Variants in RFT1 observed in about 807,000 individuals in gnomAD.
The protein encoded by RFT1 is man(5)GlcNAc(2)-PP-dolichol translocation protein RFT1.
In RFT1, 43 loss-of-function variants were observed where a neutral mutation model predicts 62.2. The observed-to-expected ratio is 0.69, with a 90% CI of 0.54 to 0.89. The LOEUF (loss-of-function observed/expected upper bound fraction) is 0.89, where lower values mean the gene tolerates loss of function less well. Among genes scored for constraint, RFT1 ranks in the 40% least tolerant of loss-of-function variants. The probability of loss-of-function intolerance (pLI) is 0.00; values close to 1 mark genes in which losing one functional copy is unlikely to be tolerated. For synonymous variants in RFT1, 262 were observed against 264.6 expected, an observed-to-expected ratio of 0.99 and a Z score of 0.10; for missense variants, 605 against 649.9, an observed-to-expected ratio of 0.93 and a Z score of 0.75.
intron 11 of RFT1, among the ~76,000 whole-genome samples, chr3:53,097,379 C>T (rs569526652): frequency 6.6e-6 from 1 of 152,318 alleles, no homozygotes; most frequent in Non-Finnish European, 1.5e-5. Flanking sequence ...CACTTAATAT[C>T]ACATTTTACT....
At chr3:53,108,946 G>T (rs533798231) in intron 7 of RFT1, among the ~76,000 whole-genome samples, 1 of 152,160 alleles carries the variant, frequency 6.6e-6, no homozygotes, top group African/African-American at 2.4e-5. Flanking sequence ...TGGGATTACA[G>T]GCGTGAGCCA....
At chr3:53,098,679 G>A (rs1414551074) in intron 11 of RFT1, among the ~76,000 whole-genome samples, 3 of 151,944 alleles carry the variant, frequency 2.0e-5, no homozygotes, top group East Asian at 1.9e-4. Flanking sequence ...GCACGCGCCT[G>A]TAGTCCCAGC....
intron 11 of RFT1, among the ~76,000 whole-genome samples, chr3:53,094,142 G>A (rs546084958): frequency 6.6e-6 from 1 of 152,044 alleles, no homozygotes. Context: ...CCAGCACATT[G>A]GGAGGTTGAG....
At chr3:53,108,760 G>T (rs1360786634) in intron 7 of RFT1, among the ~76,000 whole-genome samples, 2 of 151,322 alleles carry the variant, frequency 1.3e-5, no homozygotes, top group Non-Finnish European at 2.9e-5. Flanking sequence ...GAGTGCAATG[G>T]TGCTATCTGG....
the RFT1 span, among the ~76,000 whole-genome samples, chr3:53,081,691 T>C: frequency 6.6e-6 from 1 of 152,094 alleles, no homozygotes; most frequent in African/African-American, 2.4e-5. Context: ...CTGCCCAGGG[T>C]CAAAGCCCCA....
chr3:53,124,923 G>C (rs1013830491), intron 2 of RFT1, among the ~76,000 whole-genome samples: 1 of 152,210 alleles, frequency 6.6e-6, no homozygotes, highest in African/African-American at 2.4e-5. Context: ...AGTGAGCCAT[G>C]ATGGCGCCAC....
chr3:53,105,551 A>G (rs1701444912), intron 9 of RFT1, 122 bp downstream of exon 9: 2 of 1,239,098 alleles, frequency 1.6e-6, no homozygotes, highest in South Asian at 2.4e-5. Context: ...ATGTAATAGA[A>G]GAATGAAATC....
the RFT1 span, among the ~76,000 whole-genome samples, chr3:53,073,762 G>A: frequency 6.6e-6 from 1 of 152,174 alleles, no homozygotes; most frequent in African/African-American, 2.4e-5. Flanking sequence ...GAGAGCAGAG[G>A]CCCCGTTGTG....
chr3:53,101,643 A>G (rs1439574556), intron 10 of RFT1, among the ~76,000 whole-genome samples: 1 of 152,238 alleles, frequency 6.6e-6, no homozygotes, highest in Non-Finnish European at 1.5e-5. Context: ...GTACCTGAGA[A>G]TCTGTCCTTA....
the RFT1 span, among the ~76,000 whole-genome samples, chr3:53,075,934 T>A: frequency 6.6e-6 from 1 of 152,118 alleles, no homozygotes; most frequent in Admixed American, 6.5e-5. Flanking sequence ...TTAGCAAGTT[T>A]AAGGGGAAGT....
the RFT1 span, among the ~76,000 whole-genome samples, chr3:53,082,352 G>A: frequency 6.6e-5 from 10 of 152,270 alleles, no homozygotes; most frequent in South Asian, 2.1e-3. Flanking sequence ...GTGCACACCT[G>A]TAATCCCAGC....
chr3:53,124,351 A>G (rs963130901), intron 2 of RFT1, among the ~76,000 whole-genome samples: 1 of 152,194 alleles, frequency 6.6e-6, no homozygotes, highest in Admixed American at 6.5e-5. Flanking sequence ...CCAGGTGGGC[A>G]GCACCTGGGT....
chr3:53,088,253 CA>C (rs1233643593), downstream of RFT1, among the ~76,000 whole-genome samples: 1 of 152,160 alleles, frequency 6.6e-6, no homozygotes, highest in Non-Finnish European at 1.5e-5. Flanking sequence ...GGGAGAGGAG[CA>C]AAGGAGACAC....
At chr3:53,069,257 A>C in the RFT1 span, among the ~76,000 whole-genome samples, 1 of 152,166 alleles carries the variant, frequency 6.6e-6, no homozygotes, top group African/African-American at 2.4e-5. Flanking sequence ...GGTGACTTTG[A>C]CCAACTGTAG....
intron 1 of RFT1, among the ~76,000 whole-genome samples, chr3:53,127,498 G>A (rs573130912): frequency 3.3e-5 from 5 of 152,186 alleles, no homozygotes; most frequent in African/African-American, 9.6e-5. Flanking sequence ...TCAGGAGATC[G>A]AGACCATCCT....
intron 6 of RFT1, among the ~76,000 whole-genome samples, chr3:53,117,484 C>G (rs1701842438): frequency 6.6e-6 from 1 of 152,178 alleles, no homozygotes; most frequent in Non-Finnish European, 1.5e-5. Context: ...CTGATGGCAC[C>G]AAGCATGGCG....
chr3:53,119,990 T>TA lies in RFT1; in HGVS notation c.589dup (p.Tyr197LeufsTer45). Reference sequence around the variant, plus strand: ...CAGTAACTTTGTGAAATAAATAACATAGCAGAGCACCAGAACTGTGGTATA... The same window carrying TA: ...CAGTAACTTTGTGAAATAAATAACATAAGCAGAGCACCAGAACTGTGGTATA... On this transcript the variant is annotated frameshift_variant, in exon 6 of 13. Coordinates refer to ENST00000296292, the MANE Select transcript of RFT1 (RefSeq NM_052859.4). LOFTEE classifies it high-confidence loss of function. The TA allele has an allele frequency of 6.2e-7, 1 of 1,608,828 alleles. No individual in the cohort carries two copies. The highest frequency in any genetic ancestry group is 8.5e-7 in the Non-Finnish European group (1 of 1,178,412).
At chr3:53,096,974 A>G (rs1042658199) in intron 11 of RFT1, among the ~76,000 whole-genome samples, 1 of 152,006 alleles carries the variant, frequency 6.6e-6, no homozygotes, top group African/African-American at 2.4e-5. Flanking sequence ...CGAACTCCTG[A>G]CCTCAGGTGA....
At chr3:53,084,595 C>T (rs569425015), downstream of RFT1, among the ~76,000 whole-genome samples, 37 of 152,162 alleles carry the variant, frequency 2.4e-4, no homozygotes, top group Non-Finnish European at 5.1e-4. Context: ...TGACAGCTCC[C>T]GAGCCTGTTC....
Sources: gnomAD v4.1 joint callset for allele counts (sites outside exome capture counted in the v4.1 genomes callset) on GRCh38, gnomAD v4.1.1 for gene constraint, MANE v1.5 for transcripts, NCBI Gene and HGNC (gene_info 2026-07-23, HGNC 2026-07-21) for gene names.